ATXN1: variants seen among roughly 807,000 people sequenced by gnomAD.
The protein encoded by ATXN1 is ataxin 1.
Under a neutral mutation model 56.4 loss-of-function variants are expected in ATXN1, and 8 were observed. The ratio of observed to expected loss-of-function variants is 0.14; its 90% CI spans 0.08 to 0.26. The LOEUF (loss-of-function observed/expected upper bound fraction) is 0.26, where lower values mean the gene tolerates loss of function less well. ATXN1 is among the 10% of genes least tolerant of loss of function. The probability of loss-of-function intolerance (pLI) is 1.00; values close to 1 mark genes in which losing one functional copy is unlikely to be tolerated. For missense variants in ATXN1, 987 were observed against 1,106.5 expected, an observed-to-expected ratio of 0.89 and a Z score of 1.53; for synonymous variants, 514 against 494.6, an observed-to-expected ratio of 1.04 and a Z score of -0.52.
chr6:16,343,548 C>T (rs1222841173), intron 6 of ATXN1, among the ~76,000 whole-genome samples: 1 of 152,238 alleles, frequency 6.6e-6, no homozygotes, highest in Admixed American at 6.5e-5. Context: ...TTTCTCACAT[C>T]CGCAAAGGGG....
chr6:16,456,010 G>A (rs1187341380), intron 6 of ATXN1, among the ~76,000 whole-genome samples: 1 of 152,166 alleles, frequency 6.6e-6, no homozygotes. Context: ...AACAGAATAT[G>A]GGAGGGGACA....
intron 6 of ATXN1, among the ~76,000 whole-genome samples, chr6:16,411,720 G>T (rs1278856599): frequency 6.6e-6 from 1 of 152,206 alleles, no homozygotes; most frequent in East Asian, 1.9e-4. Flanking sequence ...ACCGTAGTAT[G>T]GATGTGGCTG....
chr6:16,598,448 T>C (rs936615641), intron 3 of ATXN1, among the ~76,000 whole-genome samples: 19 of 152,244 alleles, frequency 1.2e-4, no homozygotes, highest in Non-Finnish European at 1.9e-4. Flanking sequence ...CGAGTATTGA[T>C]CCTAACTTTA....
intron 2 of ATXN1, among the ~76,000 whole-genome samples, chr6:16,677,836 G>C (rs1758719441): frequency 6.6e-6 from 1 of 152,090 alleles, no homozygotes; most frequent in Admixed American, 6.6e-5. Context: ...AATTCATTCT[G>C]TTTCTGTCAA....
At chr6:16,639,299 T>C (rs553859164) in intron 3 of ATXN1, among the ~76,000 whole-genome samples, 14 of 152,284 alleles carry the variant, frequency 9.2e-5, no homozygotes, top group African/African-American at 2.9e-4. Context: ...TTAAGAGCTG[T>C]AACACTCACT....
chr6:16,324,318 G>A (rs575525814), intron 7 of ATXN1, among the ~76,000 whole-genome samples: 2 of 152,026 alleles, frequency 1.3e-5, no homozygotes, highest in Non-Finnish European at 2.9e-5. Context: ...GGGCATGGTG[G>A]TATGCACCTG....
At chr6:16,654,576 A>C (rs1213297028) in intron 3 of ATXN1, among the ~76,000 whole-genome samples, 1 of 146,700 alleles carries the variant, frequency 6.8e-6, no homozygotes. Context: ...AGAGAGAGAG[A>C]GAGAGACCAG....
At chr6:16,435,457 G>A (rs778522582) in intron 6 of ATXN1, among the ~76,000 whole-genome samples, 11 of 152,112 alleles carry the variant, frequency 7.2e-5, no homozygotes, top group Non-Finnish European at 1.6e-4. Context: ...TGAAGACTTA[G>A]GAAGGAGGGG....
chr6:16,486,368 C>G (rs1277235120), intron 5 of ATXN1, among the ~76,000 whole-genome samples: 6 of 152,176 alleles, frequency 3.9e-5, no homozygotes, highest in Non-Finnish European at 8.8e-5. Context: ...TGCAAACTTG[C>G]AAAAGCCTCA....
intron 5 of ATXN1, among the ~76,000 whole-genome samples, chr6:16,507,277 C>T (rs2113680344): frequency 6.6e-6 from 1 of 152,234 alleles, no homozygotes; most frequent in African/African-American, 2.4e-5. Flanking sequence ...AAATTCTCTG[C>T]ACTATAGAAG....
At chr6:16,387,609 G>C (rs1338643303) in intron 6 of ATXN1, among the ~76,000 whole-genome samples, 1 of 152,196 alleles carries the variant, frequency 6.6e-6, no homozygotes, top group Non-Finnish European at 1.5e-5. Flanking sequence ...TGAACCGGGA[G>C]TGCTTGTTGT....
intron 6 of ATXN1, among the ~76,000 whole-genome samples, chr6:16,419,035 C>T (rs538084552): frequency 6.6e-6 from 1 of 152,240 alleles, no homozygotes; most frequent in South Asian, 2.1e-4. Flanking sequence ...AAGGTAACCA[C>T]CCACCCTAAG....
At chr6:16,433,724 A>G (rs1224679046) in intron 6 of ATXN1, among the ~76,000 whole-genome samples, 1 of 152,222 alleles carries the variant, frequency 6.6e-6, no homozygotes, top group Non-Finnish European at 1.5e-5. Flanking sequence ...TAAGTGCATG[A>G]AACAGAACAA....
At chr6:16,720,300 C>A (rs1759720240) in intron 2 of ATXN1, among the ~76,000 whole-genome samples, 1 of 152,202 alleles carries the variant, frequency 6.6e-6, no homozygotes. Context: ...ACATATCCTA[C>A]TCTATTTTGG....
intron 2 of ATXN1, among the ~76,000 whole-genome samples, chr6:16,711,363 TAA>T (rs59989031): frequency 0.044 from 6,718 of 152,044 alleles, 493 homozygotes; most frequent in African/African-American, 0.15. Context: ...AAAAATGTTA[TAA>T]AGACACAAAA....
intron 4 of ATXN1, among the ~76,000 whole-genome samples, chr6:16,543,856 G>A (rs1433783068): frequency 1.4e-5 from 2 of 146,666 alleles, no homozygotes; most frequent in East Asian, 4.1e-4. Context: ...ATTTGTCCTG[G>A]GAGTACTCAA....
intron 6 of ATXN1, among the ~76,000 whole-genome samples, chr6:16,397,907 C>T (rs179944): frequency 0.12 from 18,042 of 152,172 alleles, 1,412 homozygotes; most frequent in East Asian, 0.37. Flanking sequence ...ATTAACTCCT[C>T]GCAACCATTG....
intron 6 of ATXN1, among the ~76,000 whole-genome samples, chr6:16,469,005 T>G (rs1760164319): frequency 6.6e-6 from 1 of 152,220 alleles, no homozygotes; most frequent in South Asian, 2.1e-4. Flanking sequence ...ATTTTAAGGT[T>G]TCTAAAATCT....
intron 6 of ATXN1, among the ~76,000 whole-genome samples, chr6:16,395,694 A>G (rs1256442666): frequency 6.6e-6 from 1 of 152,112 alleles, no homozygotes; most frequent in Non-Finnish European, 1.5e-5. Flanking sequence ...TTTTATTGTT[A>G]TTTGAGAGTG....
Sources: allele counts gnomAD v4.1 joint callset (sites outside exome capture counted in the v4.1 genomes callset), GRCh38; gene constraint gnomAD v4.1.1; transcripts MANE v1.5; gene names NCBI Gene and HGNC (gene_info 2026-07-23, HGNC 2026-07-21).